Variants in TMEM175 observed in about 807,000 individuals in gnomAD.
TMEM175 encodes endosomal/lysosomal proton channel TMEM175.
TMEM175 carries 36 observed loss-of-function variants against 36.5 expected under a neutral mutation model. The ratio of observed to expected loss-of-function variants is 0.99; its 90% CI spans 0.76 to 1.30. The LOEUF (loss-of-function observed/expected upper bound fraction) is 1.30, where lower values mean the gene tolerates loss of function less well. Among genes scored for constraint, TMEM175 ranks in the 50% most tolerant of loss-of-function variants. The pLI is 0.00. For synonymous variants in TMEM175, 339 were observed against 313.4 expected (o/e 1.08, Z -0.86); for missense variants, 705 against 692.8 (o/e 1.02, Z -0.20).
chr4:955,672 A>G (rs1467513079), intron 9 of TMEM175, 83 bp from the exon 10 acceptor site: 2 of 1,556,512 alleles, frequency 1.3e-6, no homozygotes, highest in African/African-American at 1.4e-5. Context: ...AGGCCTCTTC[A>G]TGGATGAGGG....
At chr4:948,221 CT>C (rs1425992917) in intron 3 of TMEM175, 67 bp downstream of exon 3, 10 of 1,613,422 alleles carry the variant, frequency 6.2e-6, no homozygotes, top group African/African-American at 1.3e-5. Flanking sequence ...GAGGCTCGAC[CT>C]GGCACAGGGT....
At position 958,210 on chromosome 4, in the gene TMEM175, G is replaced by C; in HGVS notation, c.1229G>C (p.Trp410Ser). The C allele has an allele frequency of 6.2e-7, 1 of 1,602,052 alleles. No homozygotes were observed. The highest frequency in any genetic ancestry group is 8.5e-7 in the Non-Finnish European group (1 of 1,176,322). ...HQAETLQPSV[W>S]FGGREHVLMF... is the part of the protein sequence containing the mutation. The stretch of plus-strand genomic sequence containing the variant: ...GCGGAGACGCTGCAGCCCTCGGTGT[G>C]GTTTGGCGGCCGGGAGCATGTGCTC... The change falls in exon 11 of 11, where the codon TGG becomes TCG. Residue 410 changes from tryptophan to serine, a missense_variant. Physicochemically the swap from Trp to Ser is radical, Grantham distance 177 (BLOSUM62 -3). Coordinates refer to ENST00000264771, the MANE Select transcript of TMEM175 (RefSeq NM_032326.4).
intron 8 of TMEM175, 81 bp downstream of exon 8, chr4:953,435 C>CG: frequency 6.7e-7 from 1 of 1,486,250 alleles, no homozygotes. Flanking sequence ...GCAACAAACA[C>CG]GGGGGTGGGG....
chr4:949,858 T>C (rs1728644167), intron 3 of TMEM175, among the ~76,000 whole-genome samples: 1 of 150,376 alleles, frequency 6.6e-6, no homozygotes, highest in Admixed American at 6.6e-5. Flanking sequence ...TGTGACCCTT[T>C]TGTGCTGTCA....
At chr4:953,440 G>T (rs1729220034) in intron 8 of TMEM175, 86 bp downstream of exon 8, 1 of 1,469,062 alleles carries the variant, frequency 6.8e-7, no homozygotes, top group African/African-American at 1.4e-5. Context: ...AAACACGGGG[G>T]TGGGGGCAGA....
intron 1 of TMEM175, among the ~76,000 whole-genome samples, chr4:940,623 T>C (rs1727330728): frequency 6.6e-6 from 1 of 152,184 alleles, no homozygotes; most frequent in African/African-American, 2.4e-5. Flanking sequence ...TGAAGCCTAA[T>C]GTAAACTATG....
chr4:947,165 ACGTGCACAGGTGC>A (rs1398115351), intron 1 of TMEM175, among the ~76,000 whole-genome samples: 1 of 107,682 alleles, frequency 9.3e-6, no homozygotes, highest in Non-Finnish European at 1.8e-5. Flanking sequence ...CCCCAGGCAT[ACGTGCACAGGTGC>A]CGAGACTGAG....
intron 1 of TMEM175, among the ~76,000 whole-genome samples, chr4:940,879 G>T (rs554075210): frequency 7.3e-5 from 11 of 151,692 alleles, no homozygotes; most frequent in African/African-American, 2.7e-4. Context: ...GGTGGCGTGT[G>T]CCTGTAATCC....
chr4:932,557 G>C lies in TMEM175; in HGVS notation c.-32+17G>C, dbSNP rs1160958660. ...CCCGCCCAGGTAGTTCAGCGCCCCA[G>C]TCCAGCTCCCGGTACCGTTCCCCAC... On this transcript the variant is annotated intron_variant, in intron 1 of 10. Transcript: ENST00000264771. The surrounding 1 kb of genome is among the most constrained non-coding windows in gnomAD (Gnocchi z 4.0). 1.1e-5 allele frequency: 5 copies of C among 444,338 alleles called. No homozygotes were observed. The highest frequency in any genetic ancestry group is 2.0e-5 in the Non-Finnish European group (5 of 254,326). 27.5% of individuals were successfully genotyped at this position (444,338 alleles called of 1,614,324 possible). A position where few individuals can be genotyped will look rare whatever the true frequency, so the allele number is the denominator to read the frequency against.
chr4:949,774 C>T (rs1450627871), intron 3 of TMEM175, among the ~76,000 whole-genome samples: 2 of 152,132 alleles, frequency 1.3e-5, no homozygotes, highest in Admixed American at 6.5e-5. Context: ...AGGCTGCCTT[C>T]GGGGTCCCTC....
rs781700680 is a variant in TMEM175 at position 947,852 on chromosome 4, G to A, written c.113G>A (p.Ser38Asn). 8.7e-6 allele frequency: 14 copies of A among 1,613,472 alleles called. No homozygotes were observed. The highest frequency in any genetic ancestry group is 1.3e-5 in the African/African-American group (1 of 74,950). Residue 38 changes from serine (S) to asparagine (N), a missense_variant, in exon 2 of 11, where the codon AGC becomes AAC. Coordinates refer to ENST00000264771, the MANE Select transcript of TMEM175 (RefSeq NM_032326.4). ...ATCCAGTGCTCCCAACGCATGCTCA[G>A]CTTCAGTGACGCCCTGCTGTCCATC... The part of the protein sequence containing the change: ...EGIQCSQRML[S>N]FSDALLSIIA...
chr4:938,321 C>G (rs973254074), intron 1 of TMEM175, among the ~76,000 whole-genome samples: 1 of 152,016 alleles, frequency 6.6e-6, no homozygotes, highest in Non-Finnish European at 1.5e-5. Context: ...CTGGCCAACA[C>G]GGTGAAACCC....
chr4:948,406 T>G (rs1728460613), intron 3 of TMEM175: 1 of 1,523,294 alleles, frequency 6.6e-7, no homozygotes, highest in Admixed American at 2.0e-5. Context: ...TGTTTCCGAG[T>G]TCAGTGGACA....
At chr4:947,989 T>G in intron 2 of TMEM175, 97 bp downstream of exon 2, 1 of 1,611,388 alleles carries the variant, frequency 6.2e-7, no homozygotes, top group Non-Finnish European at 8.5e-7. Context: ...CCAGCATCCT[T>G]GGGTCCCCCA....
At chr4:950,338 C>G in intron 3 of TMEM175, 83 bp from the exon 4 acceptor site, 1 of 1,164,258 alleles carries the variant, frequency 8.6e-7, no homozygotes, top group East Asian at 2.4e-5. Flanking sequence ...CCGAGGCCAG[C>G]CCCCCCTCAC....
At chr4:942,341 G>C (rs1577395560) in intron 1 of TMEM175, among the ~76,000 whole-genome samples, 2 of 152,040 alleles carry the variant, frequency 1.3e-5, no homozygotes, top group East Asian at 3.9e-4. Context: ...CTGGGATTTT[G>C]GGCATGAGCC....
intron 1 of TMEM175, among the ~76,000 whole-genome samples, chr4:935,432 AG>A (rs1726681684): frequency 6.6e-6 from 1 of 152,184 alleles, no homozygotes; most frequent in Non-Finnish European, 1.5e-5. Flanking sequence ...AGAGATTAAG[AG>A]GATCATTTTG....
chr4:941,048 A>ATAATAC (rs1727407830), intron 1 of TMEM175, among the ~76,000 whole-genome samples: 1 of 146,072 alleles, frequency 6.8e-6, no homozygotes, highest in African/African-American at 2.5e-5. Context: ...AATAATAATA[A>ATAATAC]TGGGAGAAAG....
At chr4:940,310 TG>T (rs2152997431) in intron 1 of TMEM175, among the ~76,000 whole-genome samples, 1 of 151,974 alleles carries the variant, frequency 6.6e-6, no homozygotes, top group South Asian at 2.1e-4. Flanking sequence ...TAGCTGGGCG[TG>T]GTGGCATGCG....
Sources: allele counts gnomAD v4.1 joint callset (sites outside exome capture counted in the v4.1 genomes callset), GRCh38; gene constraint gnomAD v4.1.1; non-coding constraint Gnocchi (gnomAD v3.1); transcripts MANE v1.5; gene names NCBI Gene and HGNC (gene_info 2026-07-23, HGNC 2026-07-21).